Variants in OSBPL8 observed in about 807,000 individuals in gnomAD.
OSBPL8 encodes oxysterol-binding protein-related protein 8.
Under a neutral mutation model 125.5 loss-of-function variants are expected in OSBPL8, and 59 were observed. The observed-to-expected ratio is 0.47, with a 90% CI of 0.38 to 0.58. OSBPL8 has a LOEUF of 0.58. Ranked by LOEUF, OSBPL8 falls within the 20% of genes least tolerant of loss-of-function variation. OSBPL8 has a pLI of 0.00. For synonymous variants in OSBPL8, 330 were observed against 338.9 expected, an observed-to-expected ratio of 0.97 and a Z score of 0.29; for missense variants, 758 against 1,047.8, an observed-to-expected ratio of 0.72 and a Z score of 3.82.
chr12:76,445,582 A>T (rs1044923824), intron 4 of OSBPL8, among the ~76,000 whole-genome samples: 3 of 152,234 alleles, frequency 2.0e-5, no homozygotes, highest in African/African-American at 7.2e-5. Flanking sequence ...CTTTGCAAAA[A>T]GAAGATGTAA....
chr12:76,451,090 G>T, intron 3 of OSBPL8, 102 bp from the exon 4 acceptor site: 1 of 1,241,820 alleles, frequency 8.1e-7, no homozygotes, highest in Non-Finnish European at 1.1e-6. Flanking sequence ...TGGCCTTGGT[G>T]GTTATATTCA....
intron 2 of OSBPL8, among the ~76,000 whole-genome samples, chr12:76,473,360 G>A (rs1320780184): frequency 2.0e-5 from 3 of 152,110 alleles, no homozygotes; most frequent in Admixed American, 1.3e-4. Flanking sequence ...GGGCACCTAG[G>A]TGGCTTGCCA....
At chr12:76,418,287 G>T (rs1437555133) in intron 4 of OSBPL8, among the ~76,000 whole-genome samples, 3 of 152,034 alleles carry the variant, frequency 2.0e-5, no homozygotes, top group African/African-American at 7.2e-5. Context: ...TTACAGGTGT[G>T]AGCCACTGTG....
intron 4 of OSBPL8, chr12:76,422,697 TTA>T (rs1034584766): frequency 4.5e-6 from 2 of 443,944 alleles, no homozygotes; most frequent in Middle Eastern, 3.3e-4. Flanking sequence ...CAAAGGCTAA[TTA>T]GACCAATATG....
At chr12:76,421,510 G>A (rs1367753110) in intron 4 of OSBPL8, among the ~76,000 whole-genome samples, 2 of 151,980 alleles carry the variant, frequency 1.3e-5, no homozygotes, top group African/African-American at 4.8e-5. Flanking sequence ...CTTTCTATGA[G>A]GCGTTTCACT....
At chr12:76,469,245 C>A (rs536489557) in intron 2 of OSBPL8, among the ~76,000 whole-genome samples, 1 of 152,242 alleles carries the variant, frequency 6.6e-6, no homozygotes, top group East Asian at 1.9e-4. Flanking sequence ...CTACCTTAAC[C>A]ACTCCTGAGC....
At chr12:76,368,111 T>C in intron 21 of OSBPL8, among the ~76,000 whole-genome samples, 1 of 152,222 alleles carries the variant, frequency 6.6e-6, no homozygotes, top group Non-Finnish European at 1.5e-5. Flanking sequence ...CTAGTGGTAA[T>C]GAACTCCCTC....
chr12:76,498,607 T>G (rs932273147), intron 1 of OSBPL8, among the ~76,000 whole-genome samples: 1 of 152,212 alleles, frequency 6.6e-6, no homozygotes, highest in African/African-American at 2.4e-5. Flanking sequence ...CGCAGACATT[T>G]TATAAGCTCT....
intron 2 of OSBPL8, among the ~76,000 whole-genome samples, chr12:76,483,348 A>AG (rs1477310061): frequency 6.6e-6 from 1 of 151,756 alleles, no homozygotes; most frequent in African/African-American, 2.4e-5. Flanking sequence ...GGATAGCCTG[A>AG]GGTCAGGAGT....
chr12:76,428,422 G>C (rs1870414112), intron 4 of OSBPL8, among the ~76,000 whole-genome samples: 1 of 151,908 alleles, frequency 6.6e-6, no homozygotes, highest in South Asian at 2.1e-4. Context: ...GGCAAACATA[G>C]CAGATATTCT....
chr12:76,532,738 A>C (rs1950382174), intron 1 of OSBPL8, among the ~76,000 whole-genome samples: 4 of 151,564 alleles, frequency 2.6e-5, no homozygotes, highest in Admixed American at 2.6e-4. Flanking sequence ...GAGCCAGACC[A>C]ATCAGTCCAT....
chr12:76,437,723 C>T (rs1319697978), intron 4 of OSBPL8, among the ~76,000 whole-genome samples: 1 of 152,040 alleles, frequency 6.6e-6, no homozygotes, highest in African/African-American at 2.4e-5. Context: ...ATGCATTGAA[C>T]CTATAAAATC....
At position 76,421,162 on chromosome 12, in the gene OSBPL8, T is replaced by C. The variant is rs149947055; in HGVS notation, c.218-10528A>G. ...CAAACAATATATACTAGCAAGCTTGTTGGCCTAAAAAATGCAAACAAAGAG... is the reference window on the plus strand; with the variant it reads ...CAAACAATATATACTAGCAAGCTTGCTGGCCTAAAAAATGCAAACAAAGAG... On this transcript the variant is annotated intron_variant, in intron 4 of 23. Coordinates refer to ENST00000261183, the MANE Select transcript of OSBPL8 (RefSeq NM_020841.5). Among the ~76,000 whole-genome samples the C allele has an allele frequency of 1.9e-3, 288 of 152,116 alleles. 1 individual carries two copies. Among genetic ancestry groups the C allele is most frequent in the African/African-American group, 6.6e-3 (275 of 41,552 alleles).
chr12:76,422,678 A>G (rs1869646945), intron 4 of OSBPL8: 3 of 454,898 alleles, frequency 6.6e-6, no homozygotes, highest in Non-Finnish European at 8.8e-6. Flanking sequence ...TTTAATGTAT[A>G]TGCTCACCCA....
chr12:76,395,211 A>G (rs1953740908), intron 8 of OSBPL8, among the ~76,000 whole-genome samples: 1 of 152,190 alleles, frequency 6.6e-6, no homozygotes, highest in Non-Finnish European at 1.5e-5. Flanking sequence ...AACACCAACT[A>G]TATAAGCTGA....
At chr12:76,358,938 T>C (rs755587092) in intron 21 of OSBPL8, 127 bp from the exon 22 acceptor site, 12 of 695,192 alleles carry the variant, frequency 1.7e-5, no homozygotes, top group Non-Finnish European at 2.7e-5. Flanking sequence ...GATGAAATAG[T>C]CTAATTCAAA....
At chr12:76,515,363 C>T (rs540895561) in intron 1 of OSBPL8, among the ~76,000 whole-genome samples, 1 of 152,246 alleles carries the variant, frequency 6.6e-6, no homozygotes, top group South Asian at 2.1e-4. Context: ...AGGCTTTGTG[C>T]AGGATCTTTA....
chr12:76,508,247 T>C (rs375628917), intron 1 of OSBPL8, among the ~76,000 whole-genome samples: 5 of 152,192 alleles, frequency 3.3e-5, no homozygotes, highest in African/African-American at 4.8e-5. Context: ...CTCTGCAATT[T>C]TGACTAAAAA....
At chr12:76,481,423 T>C (rs1343981536) in intron 2 of OSBPL8, among the ~76,000 whole-genome samples, 1 of 152,132 alleles carries the variant, frequency 6.6e-6, no homozygotes, top group African/African-American at 2.4e-5. Flanking sequence ...AAAACTATTG[T>C]TGTTACAGCC....
Sources: gnomAD v4.1 joint callset for allele counts (sites outside exome capture counted in the v4.1 genomes callset) on GRCh38, gnomAD v4.1.1 for gene constraint, MANE v1.5 for transcripts, NCBI Gene and HGNC (gene_info 2026-07-23, HGNC 2026-07-21) for gene names.